Variants in ANO6 observed in about 807,000 individuals in gnomAD.
ANO6 encodes anoctamin-6.
ANO6 carries 106 observed loss-of-function variants against 117.5 expected under a neutral mutation model. The ratio of observed to expected loss-of-function variants is 0.90; its 90% CI spans 0.77 to 1.06. The LOEUF (loss-of-function observed/expected upper bound fraction) is 1.06. Among genes scored for constraint, ANO6 ranks in the 50% least tolerant of loss-of-function variants. ANO6 has a pLI of 0.00. For synonymous variants in ANO6, 367 were observed against 385.1 expected (o/e 0.95, Z 0.55); for missense variants, 955 against 1,121.1 (o/e 0.85, Z 2.12).
At chr12:45,251,583 G>C (rs1947901196) in intron 1 of ANO6, among the ~76,000 whole-genome samples, 1 of 152,138 alleles carries the variant, frequency 6.6e-6, no homozygotes, top group Admixed American at 6.5e-5. Context: ...ACAGGGCCCA[G>C]AGACTAATGT....
chr12:45,401,968 C>T lies in ANO6; in HGVS notation c.1560C>T (p.Ile520=). 1 of 1,614,040 alleles carries T rather than the reference C, an allele frequency of 6.2e-7. No homozygotes were observed. The highest frequency in any genetic ancestry group is 8.5e-7 in the Non-Finnish European group (1 of 1,179,988). Reference sequence around the variant, plus strand: ...CCTCCATCATCAGCTTTATAATTATCATGATTCTGAACACCATATATGAAA... The same window carrying T: ...CCTCCATCATCAGCTTTATAATTATTATGATTCTGAACACCATATATGAAA... ...ITASIISFII[I]MILNTIYEKV... is the part of the protein sequence containing the mutation. The change falls in exon 13 of 20, where the codon ATC becomes ATT. Residue 520 remains isoleucine (I), a synonymous_variant. Transcript: ENST00000320560.
intron 1 of ANO6, among the ~76,000 whole-genome samples, chr12:45,252,730 A>G (rs1937669439): frequency 6.6e-6 from 1 of 152,244 alleles, no homozygotes; most frequent in African/African-American, 2.4e-5. Flanking sequence ...AGTTAACAAC[A>G]TGAAGGTATT....
chr12:45,387,528 T>C (rs907115058), intron 10 of ANO6, among the ~76,000 whole-genome samples: 1 of 152,220 alleles, frequency 6.6e-6, no homozygotes, highest in African/African-American at 2.4e-5. Context: ...CTGGAACATA[T>C]GCTTCAGTGT....
In ANO6 at chr12:45,416,753, TG is replaced by T. The variant is rs751466113; in HGVS notation, c.2067del (p.Leu690TrpfsTer4). 6.2e-7 allele frequency: 1 copy of T among 1,614,172 alleles called. No individual in the cohort carries two copies. ...LFVASFPLAPLLALVNNILEI... is the reference protein window; with the variant it reads ...LFVASFPLAPXLALVNNILEI... ...GTGGCCTCTTTTCCACTGGCCCCTC[TG>T]TTGGCTCTCGTGAACAATATATTGG... On this transcript the variant is annotated frameshift_variant, in exon 17 of 20. Coordinates refer to ENST00000320560, the MANE Select transcript of ANO6 (RefSeq NM_001025356.3). LOFTEE classifies it high-confidence loss of function.
rs759563449 is a variant in ANO6, at chr12:45,401,918, C to T, written c.1510C>T (p.Pro504Ser). The T allele has an allele frequency of 2.5e-6, 4 of 1,614,036 alleles. No individual in the cohort carries two copies. The Admixed American group carries it at 5.0e-5, about 20-fold the overall frequency. ...AGACCCAATCCAGAAATACCTGACT[C>T]CACAGACAGCCACGTCCATCACGGC... ...GTDPIQKYLT[P>S]QTATSITASI... Residue 504 changes from proline (P) to serine (S), a missense_variant, in exon 13 of 20, where the codon CCA becomes TCA. Transcript: ENST00000320560.
At chr12:45,367,556 T>C in intron 8 of ANO6, 132 bp from the exon 9 acceptor site, 1 of 672,522 alleles carries the variant, frequency 1.5e-6, no homozygotes, top group South Asian at 2.0e-5. Context: ...CAAAGTTTTA[T>C]GTAACAGAAG....
At chr12:45,299,506 C>T (rs1939409808) in intron 1 of ANO6, among the ~76,000 whole-genome samples, 1 of 152,134 alleles carries the variant, frequency 6.6e-6, no homozygotes, top group Non-Finnish European at 1.5e-5. Flanking sequence ...CTTTTCAATT[C>T]ATAAGTATAC....
At chr12:45,383,559 G>GTTGAAAT (rs148434573) in intron 10 of ANO6, among the ~76,000 whole-genome samples, 12,089 of 152,130 alleles carry the variant, frequency 0.079, 759 homozygotes, top group African/African-American at 0.17. Context: ...AAATGTAAAA[G>GTTGAAAT]GACTCCTTGA....
Position 45,224,492 on chromosome 12 carries a change from A to G in ANO6, c.70+8101A>G, listed in dbSNP as rs76792195. On this transcript the variant is annotated intron_variant, in intron 1 of 19. Transcript: ENST00000320560. ...ATGACAGCTAAAAACAAAGCAAACT[A>G]TCCTCAAACTCTCTTTTAGAATAGT... Among the ~76,000 whole-genome samples the G allele has an allele frequency of 2.5e-4, 38 of 152,292 alleles. No homozygotes were observed. The East Asian group carries it at 2.7e-3, about 11-fold the overall frequency.
intron 1 of ANO6, among the ~76,000 whole-genome samples, chr12:45,218,582 A>G (rs1457717968): frequency 6.6e-6 from 1 of 151,910 alleles, no homozygotes; most frequent in African/African-American, 2.4e-5. Flanking sequence ...GGAAGTACAA[A>G]TTTAATGTGG....
chr12:45,319,260 A>C (rs1232678807), intron 2 of ANO6, among the ~76,000 whole-genome samples: 1 of 152,130 alleles, frequency 6.6e-6, no homozygotes, highest in Non-Finnish European at 1.5e-5. Flanking sequence ...GTTTGTCATA[A>C]ATAGCTCTTA....
intron 2 of ANO6, among the ~76,000 whole-genome samples, chr12:45,305,882 A>G (rs902203553): frequency 1.3e-5 from 2 of 152,060 alleles, no homozygotes; most frequent in East Asian, 3.9e-4. Context: ...ATTAGACCCC[A>G]GGTTGATTCC....
At chr12:45,400,305 A>G (rs1440060353) in intron 12 of ANO6, among the ~76,000 whole-genome samples, 2 of 152,214 alleles carry the variant, frequency 1.3e-5, no homozygotes, top group African/African-American at 2.4e-5. Context: ...AAAAACACAT[A>G]ATAAACACCC....
chr12:45,228,123 G>GTT (rs57127691), intron 1 of ANO6: 497 of 283,548 alleles, frequency 1.8e-3, no homozygotes, highest in South Asian at 2.2e-3. Flanking sequence ...TTTTTGTGTT[G>GTT]TTTTTTTTTT....
intron 7 of ANO6, among the ~76,000 whole-genome samples, chr12:45,352,649 C>T (rs7974971): frequency 0.032 from 4,708 of 149,246 alleles, 230 homozygotes; most frequent in African/African-American, 0.11. Flanking sequence ...GAGAATTGCT[C>T]GAGTCCAGGA....
intron 15 of ANO6, among the ~76,000 whole-genome samples, chr12:45,408,012 CCT>C (rs1242558904): frequency 6.6e-6 from 1 of 152,048 alleles, no homozygotes. Context: ...GATAATTTCC[CCT>C]GAGTAAAGCT....
Position 45,390,203 on chromosome 12 carries a change from CT to C in ANO6, c.1309-216del, listed in dbSNP as rs532107431. On this transcript the variant is annotated intron_variant, in intron 11 of 19. Coordinates refer to ENST00000320560, the MANE Select transcript of ANO6 (RefSeq NM_001025356.3). ...GTGGCCGATAAACAGTTTATTCATGCTTGCATTTTCCAAAAACTTATTAAAA... is the reference window on the plus strand; with the variant it reads ...GTGGCCGATAAACAGTTTATTCATGCTGCATTTTCCAAAAACTTATTAAAA... 2.6e-5 allele frequency among the ~76,000 whole-genome samples: 4 copies of C among 152,188 alleles called. No homozygotes were observed. The South Asian group carries it at 8.3e-4, about 32-fold the overall frequency.
At chr12:45,372,586 C>G (rs1228357651) in intron 9 of ANO6, among the ~76,000 whole-genome samples, 1 of 145,704 alleles carries the variant, frequency 6.9e-6, no homozygotes, top group African/African-American at 2.6e-5. Context: ...AATTTTCAAC[C>G]CAGAATTTCA....
chr12:45,379,036 G>T (rs1324107852), intron 10 of ANO6, among the ~76,000 whole-genome samples: 1 of 152,112 alleles, frequency 6.6e-6, no homozygotes, highest in Non-Finnish European at 1.5e-5. Flanking sequence ...ATGTTTAATT[G>T]ATCTGAATGT....
Sources: gnomAD v4.1 joint callset for allele counts (sites outside exome capture counted in the v4.1 genomes callset) on GRCh38, gnomAD v4.1.1 for gene constraint, MANE v1.5 for transcripts, NCBI Gene and HGNC (gene_info 2026-07-23, HGNC 2026-07-21) for gene names.